COL11A1: variants seen among roughly 807,000 people sequenced by gnomAD.
COL11A1 encodes collagen alpha-1(XI) chain.
Under a neutral mutation model 265.2 loss-of-function variants are expected in COL11A1, and 74 were observed. That is an observed-to-expected ratio of 0.28 (90% CI 0.23 to 0.34). The LOEUF (loss-of-function observed/expected upper bound fraction) is 0.34. Ranked by LOEUF, COL11A1 falls within the 10% of genes least tolerant of loss-of-function variation. The pLI is 1.00. For synonymous variants in COL11A1, 816 were observed against 727.6 expected, an observed-to-expected ratio of 1.12 and a Z score of -1.96; for missense variants, 2,165 against 2,263.6, an observed-to-expected ratio of 0.96 and a Z score of 0.88.
At chr1:103,014,292 G>T (rs942203294) in intron 13 of COL11A1, among the ~76,000 whole-genome samples, 1 of 151,972 alleles carries the variant, frequency 6.6e-6, no homozygotes, top group African/African-American at 2.4e-5. Context: ...ATTATATAAT[G>T]GCAACATTGC....
At chr1:102,892,009 A>C (rs1651837695) in intron 57 of COL11A1, among the ~76,000 whole-genome samples, 1 of 152,176 alleles carries the variant, frequency 6.6e-6, no homozygotes. Flanking sequence ...CTACGCAGGC[A>C]ACAGATGCTG....
chr1:102,906,859 A>G (rs909939506), intron 54 of COL11A1, among the ~76,000 whole-genome samples: 3 of 152,118 alleles, frequency 2.0e-5, no homozygotes, highest in Admixed American at 1.3e-4. Context: ...AACAAATCAT[A>G]GTTTTGGTAA....
At chr1:102,965,770 T>C (rs1157114955) in intron 37 of COL11A1, among the ~76,000 whole-genome samples, 1 of 152,182 alleles carries the variant, frequency 6.6e-6, no homozygotes, top group Non-Finnish European at 1.5e-5. Context: ...TTACCTTTAA[T>C]AAATGAAGCT....
chr1:102,999,367 G>T (rs1343365094), intron 24 of COL11A1, among the ~76,000 whole-genome samples: 2 of 151,884 alleles, frequency 1.3e-5, no homozygotes, highest in African/African-American at 2.4e-5. Flanking sequence ...CAATCTGGAT[G>T]AACTTAGGTT....
intron 30 of COL11A1, among the ~76,000 whole-genome samples, chr1:102,987,110 T>C (rs1570951070): frequency 6.6e-6 from 1 of 152,076 alleles, no homozygotes; most frequent in East Asian, 1.9e-4. Flanking sequence ...GAGTAGCTGA[T>C]TCCACATGGC....
intron 44 of COL11A1, among the ~76,000 whole-genome samples, chr1:102,938,180 T>A (rs562898455): frequency 1.3e-4 from 20 of 152,274 alleles, no homozygotes; most frequent in Admixed American, 5.2e-4. Context: ...CCGTTATGTG[T>A]TAATGTAGGC....
chr1:103,093,919 G>T (rs1673527909), intron 1 of COL11A1, among the ~76,000 whole-genome samples: 2 of 152,096 alleles, frequency 1.3e-5, no homozygotes, highest in Admixed American at 1.3e-4. Flanking sequence ...CAATGCTATG[G>T]AAGAGAACGC....
intron 46 of COL11A1, 61 bp from the exon 47 acceptor site, chr1:102,923,450 G>T: frequency 7.7e-7 from 1 of 1,295,294 alleles, no homozygotes; most frequent in Non-Finnish European, 1.1e-6. Context: ...AAAAAGTTTG[G>T]TCAATTTCTA....
Position 103,082,806 on chromosome 1 carries a change from T to C in COL11A1, c.273A>G (p.Pro91=), listed in dbSNP as rs1416965283. 5.6e-6 allele frequency: 9 copies of C among 1,611,868 alleles called. No homozygotes were observed. Among genetic ancestry groups the C allele is most frequent in the Non-Finnish European group, 7.6e-6 (9 of 1,178,326 alleles). ...QLSAPTKQLF[P]GGTFPEDFSI... The stretch of plus-strand genomic sequence containing the variant: ...ATAATAATAATAAAGTGAATATACC[T>C]GGAAATAACTGTTTTGTTGGGGCAC... Residue 91 remains proline (P), a splice_region_variant and synonymous_variant, in exon 2 of 67, where the codon CCA becomes CCG. Coordinates refer to ENST00000370096, the MANE Select transcript of COL11A1 (RefSeq NM_001854.4).
At chr1:102,982,080 T>C (rs919152777) in intron 31 of COL11A1, among the ~76,000 whole-genome samples, 1 of 151,972 alleles carries the variant, frequency 6.6e-6, no homozygotes, top group Non-Finnish European at 1.5e-5. Flanking sequence ...TTTTTCATTT[T>C]AGAACAGAGA....
intron 1 of COL11A1, among the ~76,000 whole-genome samples, chr1:103,087,135 C>T (rs1672939167): frequency 6.6e-6 from 1 of 152,148 alleles, no homozygotes; most frequent in South Asian, 2.1e-4. Context: ...ATATTCAAAG[C>T]AATTCTTAAA....
chr1:102,879,952 C>T lies in COL11A1; in HGVS notation c.5041-36G>A, dbSNP rs754513405. On this transcript the variant is annotated intron_variant, in intron 65 of 66. Transcript: ENST00000370096. Reference sequence around the variant, plus strand: ...AGGAATAAAAAGACACCTAATGACTCTTTTCCTCTTTTATGCTACAAAGAA... The same window carrying T: ...AGGAATAAAAAGACACCTAATGACTTTTTTCCTCTTTTATGCTACAAAGAA... 9 of 1,314,202 alleles carry T rather than the reference C, an allele frequency of 6.8e-6. No individual in the cohort carries two copies. In the African/African-American group the frequency reaches 8.7e-5, roughly 13 times the overall value. The allele number at this position is 1,314,202 out of a possible 1,614,324, so 81.4% of individuals were successfully genotyped here.
At chr1:102,926,527 A>G (rs1656618850) in intron 46 of COL11A1, among the ~76,000 whole-genome samples, 2 of 152,168 alleles carry the variant, frequency 1.3e-5, no homozygotes, top group Admixed American at 1.3e-4. Context: ...TAAAGGAGGC[A>G]GATGCAATTG....
At chr1:103,060,749 C>T (rs1242294306) in intron 4 of COL11A1, among the ~76,000 whole-genome samples, 7 of 152,020 alleles carry the variant, frequency 4.6e-5, no homozygotes, top group Middle Eastern at 3.4e-3. Flanking sequence ...ATTTATTGAA[C>T]CCAGGAGTTT....
chr1:103,030,904 T>C, intron 5 of COL11A1: 2 of 568,612 alleles, frequency 3.5e-6, no homozygotes, highest in South Asian at 3.8e-5. Flanking sequence ...AGCACCATTA[T>C]TGCTAATAAA....
chr1:103,053,381 C>A (rs1439225747), intron 4 of COL11A1, among the ~76,000 whole-genome samples: 1 of 152,118 alleles, frequency 6.6e-6, no homozygotes, highest in Non-Finnish European at 1.5e-5. Context: ...TGATCTGATT[C>A]CAGATGGTCT....
chr1:103,010,982 G>A (rs1281709010), intron 14 of COL11A1, among the ~76,000 whole-genome samples: 1 of 152,062 alleles, frequency 6.6e-6, no homozygotes, highest in Admixed American at 6.5e-5. Flanking sequence ...TTACAGGTGC[G>A]AGCCACCGCG....
intron 8 of COL11A1, 71 bp downstream of exon 8, chr1:103,022,671 A>G: frequency 6.3e-7 from 1 of 1,586,676 alleles, no homozygotes; most frequent in East Asian, 2.2e-5. Context: ...AAAAGACATT[A>G]AGATGGACAT....
chr1:102,914,571 C>G (rs1001634151), intron 51 of COL11A1, 133 bp downstream of exon 51: 1 of 963,068 alleles, frequency 1.0e-6, no homozygotes, highest in African/African-American at 1.6e-5. Flanking sequence ...AGAATGCTTA[C>G]GAATATATGA....
Sources: allele counts gnomAD v4.1 joint callset (sites outside exome capture counted in the v4.1 genomes callset), GRCh38; gene constraint gnomAD v4.1.1; transcripts MANE v1.5; gene names NCBI Gene and HGNC (gene_info 2026-07-23, HGNC 2026-07-21).